Variants in TBCD observed in about 807,000 individuals in gnomAD.
TBCD encodes tubulin folding cofactor D.
A neutral mutation model predicts 169.3 loss-of-function variants in TBCD; 105 were observed. That is an observed-to-expected ratio of 0.62 (90% confidence interval 0.53 to 0.73). The LOEUF is 0.73. Among genes scored for constraint, TBCD ranks in the 30% least tolerant of loss-of-function variants. The pLI is 0.00. For missense variants in TBCD, 1,444 were observed against 1,600.1 expected (o/e 0.90, Z 1.66); for synonymous variants, 700 against 643.9 (o/e 1.09, Z -1.32).
chr17:82,794,856 C>T (rs1475743066), intron 7 of TBCD, among the ~76,000 whole-genome samples: 3 of 152,232 alleles, frequency 2.0e-5, no homozygotes, highest in African/African-American at 7.2e-5. Flanking sequence ...TGTAATTCAG[C>T]TGGAAACTGT....
chr17:82,932,935 A>G (rs1376049471), intron 34 of TBCD, 200 bp downstream of exon 34: 3 of 602,982 alleles, frequency 5.0e-6, no homozygotes, highest in Admixed American at 5.7e-5. Flanking sequence ...ACATAATGAC[A>G]TATTATGACT....
At chr17:82,904,802 G>A (rs1050542363) in intron 19 of TBCD, among the ~76,000 whole-genome samples, 1 of 152,100 alleles carries the variant, frequency 6.6e-6, no homozygotes, top group East Asian at 1.9e-4. Context: ...AGGCATCCAC[G>A]TCACGGGTTT....
rs1004429856 is a variant in TBCD at position 82,903,267 on chromosome 17, G to C, written c.1731-138G>C. 2.7e-6 allele frequency: 2 copies of C among 740,970 alleles called. No homozygotes were observed. Among genetic ancestry groups the C allele is most frequent in the Non-Finnish European group, 4.6e-6 (2 of 430,502 alleles). 45.9% of individuals were successfully genotyped at this position (740,970 alleles called of 1,614,324 possible). ...GAGTCGGAGGTTCTTGTACTGGTTC[G>C]TGTGAGTGAGTGAGTGAGCCTCTGC... is the stretch of plus-strand genomic sequence containing the variant. On this transcript the variant is annotated intron_variant, in intron 18 of 38. Coordinates refer to ENST00000355528, the MANE Select transcript of TBCD (RefSeq NM_005993.5). This position sits in a 1 kb window ranked among gnomAD's most constrained non-coding sequence, Gnocchi z 4.8.
chr17:82,777,318 C>T lies in TBCD; in HGVS notation c.639-4271C>T, dbSNP rs116864644. 5.1e-3 allele frequency among the ~76,000 whole-genome samples: 782 copies of T among 152,224 alleles called. 8 individuals are homozygous for T. Among genetic ancestry groups the T allele is most frequent in the South Asian group, 0.024 (115 of 4,820 alleles). On this transcript the variant is annotated intron_variant, in intron 6 of 38. Coordinates refer to ENST00000355528, the MANE Select transcript of TBCD (RefSeq NM_005993.5). ...TCTGTAGGGACCAGCACCACAAGGTCGGTGGGTTTCTCCCTGTGTGTGGAG... is the reference window on the plus strand; with the variant it reads ...TCTGTAGGGACCAGCACCACAAGGTTGGTGGGTTTCTCCCTGTGTGTGGAG...
chr17:82,887,098 T>C (rs1204090206), intron 15 of TBCD, among the ~76,000 whole-genome samples: 1 of 150,796 alleles, frequency 6.6e-6, no homozygotes, highest in African/African-American at 2.4e-5. Context: ...AACCCACCAG[T>C]CTTATTCCTT....
Position 82,892,667 on chromosome 17 carries a change from C to T in TBCD, c.1564-880C>T, listed in dbSNP as rs567375242. Among the ~76,000 whole-genome samples the T allele has an allele frequency of 3.9e-5, 6 of 152,260 alleles. No individual in the cohort carries two copies. In the South Asian group the frequency reaches 6.2e-4, roughly 16 times the overall value. On this transcript the variant is annotated intron_variant, in intron 16 of 38. Coordinates refer to ENST00000355528, the MANE Select transcript of TBCD (RefSeq NM_005993.5). ...AGGGTGGTGATGAATGGGTTAAAGA[C>T]GTCAAGGAAGGATCTGAATCCCGGC...
chr17:82,854,128 C>T (rs2056053074), intron 13 of TBCD, among the ~76,000 whole-genome samples: 1 of 152,222 alleles, frequency 6.6e-6, no homozygotes, highest in Non-Finnish European at 1.5e-5. Flanking sequence ...ACATATTTGA[C>T]ATTGTTGAGT....
chr17:82,909,366 A>G lies in TBCD; in HGVS notation c.2006+59A>G, dbSNP rs917399747. 117 of 1,429,704 alleles carry G rather than the reference A, an allele frequency of 8.2e-5. 2 individuals are homozygous for G. The South Asian group carries it at 9.7e-4, about 12-fold the overall frequency. The allele number at this position is 1,429,704 out of a possible 1,614,324, so 88.6% of individuals were successfully genotyped here. A position where few individuals can be genotyped will look rare whatever the true frequency, so the allele number is the denominator to read the frequency against. ...TGTCCTAATGAAGAACTGCGCTGTC[A>G]GGAGCAGGCGGGGCGGGTGTGTTCG... On this transcript the variant is annotated intron_variant, in intron 22 of 38. Coordinates refer to ENST00000355528, the MANE Select transcript of TBCD (RefSeq NM_005993.5).
intron 7 of TBCD, among the ~76,000 whole-genome samples, chr17:82,792,357 G>GCACA (rs71168155): frequency 1.3e-3 from 190 of 145,736 alleles, no homozygotes; most frequent in Non-Finnish European, 1.7e-3. Flanking sequence ...ATACATGTGT[G>GCACA]CACACACACA....
At position 82,870,329 on chromosome 17, in the gene TBCD, C is replaced by T. The variant is rs1486251597; in HGVS notation, c.1424C>T (p.Ala475Val). Residue 475 changes from alanine (A) to valine (V), a missense_variant, in exon 14 of 39, where the codon GCG becomes GTG. Coordinates refer to ENST00000355528, the MANE Select transcript of TBCD (RefSeq NM_005993.5). ...DAACYVCWAF[A>V]RAYEPQELKP... ...GCCTGCTACGTGTGCTGGGCCTTCGCGCGTGCCTATGAGCCTCAGGAGCTG... is the reference window on the plus strand; with the variant it reads ...GCCTGCTACGTGTGCTGGGCCTTCGTGCGTGCCTATGAGCCTCAGGAGCTG... 7.4e-6 allele frequency: 12 copies of T among 1,613,388 alleles called. No individual in the cohort carries two copies. The highest frequency in any genetic ancestry group is 4.5e-5 in the East Asian group (2 of 44,898).
intron 12 of TBCD, among the ~76,000 whole-genome samples, chr17:82,814,113 C>T (rs921428192): frequency 1.3e-5 from 2 of 152,166 alleles, no homozygotes. Context: ...TGCAATTGTT[C>T]ATTAAAAGTT....
chr17:82,782,987 CTCCTGTCCGCGGCGTCGTCT>C lies in TBCD; in HGVS notation c.771+1274_771+1293del, dbSNP rs2049053103. Among the ~76,000 whole-genome samples, 1 of 149,730 alleles carries C rather than the reference CTCCTGTCCGCGGCGTCGTCT, an allele frequency of 6.7e-6. No homozygotes were observed. Among genetic ancestry groups the C allele is most frequent in the South Asian group, 2.1e-4 (1 of 4,686 alleles). On this transcript the variant is annotated intron_variant, in intron 7 of 38. Coordinates refer to ENST00000355528, the MANE Select transcript of TBCD (RefSeq NM_005993.5). The surrounding 1 kb of genome is among the most constrained non-coding windows in gnomAD (Gnocchi z 5.1). ...ATGGTGGCCTCCTGTCCGCTGTGCC[CTCCTGTCCGCGGCGTCGTCT>C]TCCTGTCTGTGGTATCATCTTCCTG...
chr17:82,901,228 G>T (rs1168216564), intron 18 of TBCD, among the ~76,000 whole-genome samples: 1 of 152,206 alleles, frequency 6.6e-6, no homozygotes, highest in African/African-American at 2.4e-5. Flanking sequence ...AGTGAAGTGC[G>T]GTCTGGAGCA....
chr17:82,766,191 A>G (rs1453473624), intron 3 of TBCD, 76 bp from the exon 4 acceptor site: 1 of 1,202,112 alleles, frequency 8.3e-7, no homozygotes, highest in Non-Finnish European at 1.2e-6. Context: ...GTGATTTTTG[A>G]TGAAAGGGTA....
In TBCD at chr17:82,846,311, G is replaced by GCGTCCGGCGTGCCACGTCCCCT. The variant is rs1567879164; in HGVS notation, c.1319-23908_1319-23907insGGCGTGCCACGTCCCCTCGTCC. 2.3e-4 allele frequency among the ~76,000 whole-genome samples: 31 copies of GCGTCCGGCGTGCCACGTCCCCT among 135,306 alleles called. 3 individuals are homozygous for GCGTCCGGCGTGCCACGTCCCCT. The highest frequency in any genetic ancestry group is 2.1e-3 in the South Asian group (9 of 4,254). The allele number at this position is 135,306 out of a possible 152,430, so 88.8% of individuals were successfully genotyped here. ...CCCTCTGCTGCCCCCTCCACGTGCT[G>GCGTCCGGCGTGCCACGTCCCCT]CGTCCAGCGTGCCGTGTCCTCTCGT... On this transcript the variant is annotated intron_variant, in intron 13 of 38. Coordinates refer to ENST00000355528, the MANE Select transcript of TBCD (RefSeq NM_005993.5).
In TBCD at chr17:82,831,897, G is replaced by C; in HGVS notation, c.1318+16963G>C. ...GGAAAGACACGGCCTTGGCAGTGGG[G>C]TTGTGTAAAGCCAGTGTCTCGGGCG... On this transcript the variant is annotated intron_variant, in intron 13 of 38. Transcript: ENST00000355528. The surrounding 1 kb of genome is among the most constrained non-coding windows in gnomAD (Gnocchi z 4.6). 1 of 1,614,228 alleles carries C rather than the reference G, an allele frequency of 6.2e-7. No individual in the cohort carries two copies. Among genetic ancestry groups the C allele is most frequent in the South Asian group, 1.1e-5 (1 of 91,088 alleles).
chr17:82,780,514 A>G (rs2144269969), intron 6 of TBCD, among the ~76,000 whole-genome samples: 1 of 151,654 alleles, frequency 6.6e-6, no homozygotes, highest in Non-Finnish European at 1.5e-5. Flanking sequence ...AGTCCCAGCT[A>G]CTCGAGAGGC....
chr17:82,764,040 A>C lies in TBCD; in HGVS notation c.311A>C (p.Lys104Thr), dbSNP rs546964087. 3 of 1,613,774 alleles carry C rather than the reference A, an allele frequency of 1.9e-6. No individual in the cohort carries two copies. Among genetic ancestry groups the C allele is most frequent in the East Asian group, 4.5e-5 (2 of 44,876 alleles). ...GCTTCCCTTGTACATCTGGCTTTTAAATTTCTTTACATCATCACCAAGGTA... is the reference window on the plus strand; with the variant it reads ...GCTTCCCTTGTACATCTGGCTTTTACATTTCTTTACATCATCACCAAGGTA... The part of the protein sequence containing the change: ...SPASLVHLAF[K>T]FLYIITKVRG... The change falls in exon 3 of 39, where the codon AAA becomes ACA. Residue 104 changes from lysine (K) to threonine (T), a missense_variant. By Grantham distance (78) the Lys-to-Thr change is moderately conservative. Coordinates refer to ENST00000355528, the MANE Select transcript of TBCD (RefSeq NM_005993.5).
intron 5 of TBCD, 36 bp from the exon 6 acceptor site, chr17:82,772,416 G>A (rs758312746): frequency 3.1e-6 from 5 of 1,613,140 alleles, no homozygotes; most frequent in Non-Finnish European, 4.2e-6. Context: ...GGCGTGTGCA[G>A]GAGTGACCGT....
Sources: gnomAD v4.1 joint callset for allele counts (sites outside exome capture counted in the v4.1 genomes callset) on GRCh38, gnomAD v4.1.1 for gene constraint, Gnocchi (gnomAD v3.1) non-coding constraint, MANE v1.5 for transcripts, NCBI Gene and HGNC (gene_info 2026-07-23, HGNC 2026-07-21) for gene names.